DCHS1: variants seen among roughly 807,000 people sequenced by gnomAD.
DCHS1 encodes the protein protocadherin-16.
A neutral mutation model predicts 213.9 loss-of-function variants in DCHS1; 78 were observed. The observed-to-expected ratio is 0.36, with a 90% CI of 0.30 to 0.44. DCHS1 has a LOEUF of 0.44. Ranked by LOEUF, DCHS1 falls within the 20% of genes least tolerant of loss-of-function variation. DCHS1 has a pLI of 1.00. For missense variants in DCHS1, 3,946 were observed against 4,395.9 expected, an observed-to-expected ratio of 0.90 and a Z score of 2.89; for synonymous variants, 1,828 against 1,873.7, an observed-to-expected ratio of 0.98 and a Z score of 0.63.
Position 6,627,871 on chromosome 11 carries a change from C to T in DCHS1, c.5372-204G>A, listed in dbSNP as rs1855837785. On this transcript the variant is annotated intron_variant, in intron 13 of 20. Coordinates refer to ENST00000299441, the MANE Select transcript of DCHS1 (RefSeq NM_003737.4). The surrounding 1 kb of genome is among the most constrained non-coding windows in gnomAD (Gnocchi z 5.4). ...GTGGTCTGGGAACCCCGGGAGTCCCCCAAGTCCTTTTCATGTGCATAAGAT... is the reference window on the plus strand; with the variant it reads ...GTGGTCTGGGAACCCCGGGAGTCCCTCAAGTCCTTTTCATGTGCATAAGAT... Among the ~76,000 whole-genome samples the T allele has an allele frequency of 6.6e-6, 1 of 152,166 alleles. No individual in the cohort carries two copies. The highest frequency in any genetic ancestry group is 2.4e-5 in the African/African-American group (1 of 41,428).
At chr11:6,653,827 A>G (rs950500994) in intron 1 of DCHS1, among the ~76,000 whole-genome samples, 2 of 152,192 alleles carry the variant, frequency 1.3e-5, no homozygotes, top group African/African-American at 2.4e-5. Flanking sequence ...AGTAGGAGAA[A>G]ACAAAGAGGT....
In DCHS1 at chr11:6,621,600, A is replaced by G. The variant is rs571950521; in HGVS notation, c.*179T>C. 24 of 755,802 alleles carry G rather than the reference A, an allele frequency of 3.2e-5. 1 individual carries two copies. In the South Asian group the frequency reaches 3.2e-4, roughly 10 times the overall value. The allele number at this position is 755,802 out of a possible 1,614,324, so 46.8% of individuals were successfully genotyped here. A position where few individuals can be genotyped will look rare whatever the true frequency, so the allele number is the denominator to read the frequency against. ...ACCTGGTCACAGGTCAGTGAGCAAC[A>G]GGGCTTCTGTGGTCCTAGTACTCTG... On this transcript the variant is annotated 3_prime_UTR_variant, in exon 21 of 21. Coordinates refer to ENST00000299441, the MANE Select transcript of DCHS1 (RefSeq NM_003737.4).
intron 1 of DCHS1, among the ~76,000 whole-genome samples, chr11:6,647,892 C>A (rs1856187807): frequency 6.6e-6 from 1 of 152,020 alleles, no homozygotes; most frequent in South Asian, 2.1e-4. Flanking sequence ...CTGGGAGAGT[C>A]CAGGTTAGCA....
rs1856049801 is a variant in DCHS1, at chr11:6,640,347, G to C, written c.1267C>G (p.Leu423Val). 1 of 1,612,696 alleles carries C rather than the reference G, an allele frequency of 6.2e-7. No homozygotes were observed. The highest frequency in any genetic ancestry group is 8.5e-7 in the Non-Finnish European group (1 of 1,179,294). Residue 423 changes from leucine (L) to valine (V), a missense_variant, in exon 2 of 21, where the codon CTG becomes GTG. This residue lies in a region of DCHS1 where 3,384 missense variants were observed against 3,780.1 expected (regional missense o/e 0.90). Transcript: ENST00000299441. The surrounding 1 kb of genome is among the most constrained non-coding windows in gnomAD (Gnocchi z 6.5). Reference protein sequence around the residue: ...ALSTQDSVIYLVCVARRLDRE... With the variant: ...ALSTQDSVIYVVCVARRLDRE... Reference sequence around the variant, plus strand: ...TCCAGCCGCCGAGCCACACACACCAGATAGATGACGCTGTCTTGGGTGCTT... The same window carrying C: ...TCCAGCCGCCGAGCCACACACACCACATAGATGACGCTGTCTTGGGTGCTT...
chr11:6,626,747 C>G lies in DCHS1; in HGVS notation c.6250+42G>C, dbSNP rs4442534. 4 of 1,609,216 alleles carry G rather than the reference C, an allele frequency of 2.5e-6. No individual in the cohort carries two copies. The highest frequency in any genetic ancestry group is 3.4e-6 in the Non-Finnish European group (4 of 1,177,820). On this transcript the variant is annotated intron_variant, in intron 14 of 20. Transcript: ENST00000299441. This position sits in a 1 kb window ranked among gnomAD's most constrained non-coding sequence, Gnocchi z 5.2. ...ACATTTTCAAAGCACAACCCCAGCC[C>G]ATTTGGGAGTCTGAATCTGGAAGAA...
Position 6,632,208 on chromosome 11 carries a change from T to G in DCHS1, c.3304A>C (p.Ser1102Arg). The change falls in exon 6 of 21, where the codon AGT becomes CGT. Residue 1102 changes from serine (S) to arginine (R), a missense_variant. Ser to Arg is a moderately radical substitution (Grantham distance 110). Coordinates refer to ENST00000299441, the MANE Select transcript of DCHS1 (RefSeq NM_003737.4). This position sits in a 1 kb window ranked among gnomAD's most constrained non-coding sequence, Gnocchi z 5.9. ...GTGGGATCCTCAGACAAGCGGGGAC[T>G]GTGTTCATTCTGGTTGAGGATGCTG... is the stretch of plus-strand genomic sequence containing the variant. ...RVSILNQNEH[S>R]PRLSEDPTFL... The G allele has an allele frequency of 6.2e-7, 1 of 1,610,792 alleles. No homozygotes were observed. Among genetic ancestry groups the G allele is most frequent in the Non-Finnish European group, 8.5e-7 (1 of 1,177,504 alleles).
chr11:6,638,735 A>G (rs1856021874), intron 2 of DCHS1, among the ~76,000 whole-genome samples: 1 of 152,176 alleles, frequency 6.6e-6, no homozygotes, highest in Non-Finnish European at 1.5e-5. Flanking sequence ...GGCCTAGCAC[A>G]GTGCTAGGCT....
Position 6,629,928 on chromosome 11 carries a change from G to A in DCHS1, c.4796-17C>T, listed in dbSNP as rs1855872827. On this transcript the variant is annotated splice_polypyrimidine_tract_variant and intron_variant, in intron 10 of 20. Transcript: ENST00000299441. ...ACAGCGCTCCTAGGTGAGCGGTAAG[G>A]CAGGTTGGTGGGGACCCCAACACTC... 1 of 1,608,412 alleles carries A rather than the reference G, an allele frequency of 6.2e-7. No individual in the cohort carries two copies.
At position 6,624,300 on chromosome 11, in the gene DCHS1, G is replaced by A. The variant is rs1855756821; in HGVS notation, c.7376C>T (p.Ala2459Val). The change falls in exon 21 of 21, where the codon GCT becomes GTT. Residue 2459 changes from alanine to valine, a missense_variant. Physicochemically the swap from Ala to Val is moderately conservative, Grantham distance 64. This residue lies in a region of DCHS1 where 3,384 missense variants were observed against 3,780.1 expected (regional missense o/e 0.90). Coordinates refer to ENST00000299441, the MANE Select transcript of DCHS1 (RefSeq NM_003737.4). Reference protein sequence around the residue: ...DVVLEARDHGAPGRAARATVH... With the variant: ...DVVLEARDHGVPGRAARATVH... Reference sequence around the variant, plus strand: ...TGTGGCTCGTGCTGCCCGGCCTGGAGCCCCGTGGTCTCGTGCTTCCAGCAC... The same window carrying A: ...TGTGGCTCGTGCTGCCCGGCCTGGAACCCCGTGGTCTCGTGCTTCCAGCAC... 6.3e-7 allele frequency: 1 copy of A among 1,592,412 alleles called. No individual in the cohort carries two copies. Among genetic ancestry groups the A allele is most frequent in the African/African-American group, 1.3e-5 (1 of 74,656 alleles).
Position 6,655,713 on chromosome 11 carries a change from C to A in DCHS1, c.-271G>T. The A allele has an allele frequency of 1.0e-6, 1 of 980,762 alleles. No homozygotes were observed. The highest frequency in any genetic ancestry group is 1.2e-6 in the Non-Finnish European group (1 of 828,034). 60.8% of individuals were successfully genotyped at this position (980,762 alleles called of 1,614,324 possible). On this transcript the variant is annotated 5_prime_UTR_variant, in exon 1 of 21. Coordinates refer to ENST00000299441, the MANE Select transcript of DCHS1 (RefSeq NM_003737.4). The stretch of plus-strand genomic sequence containing the variant: ...CCCGCGATCCCCTCCGGGCAGCCGC[C>A]GTCGGTCCGCGCGCCCTTGGCCGTC...
Position 6,654,999 on chromosome 11 carries a change from C to G in DCHS1, c.-121+564G>C, listed in dbSNP as rs999330135. On this transcript the variant is annotated intron_variant, in intron 1 of 20. Coordinates refer to ENST00000299441, the MANE Select transcript of DCHS1 (RefSeq NM_003737.4). Reference sequence around the variant, plus strand: ...CAGAACACGTCTGGGTGACCCCCCCCTCCATCCACTTCAGGCTGTGCCTGC... The same window carrying G: ...CAGAACACGTCTGGGTGACCCCCCCGTCCATCCACTTCAGGCTGTGCCTGC... Among the ~76,000 whole-genome samples the G allele has an allele frequency of 3.3e-5, 5 of 149,910 alleles. No homozygotes were observed. The East Asian group carries it at 6.0e-4, about 18-fold the overall frequency.
At position 6,625,750 on chromosome 11, in the gene DCHS1, G is replaced by A. The variant is rs376048441; in HGVS notation, c.6732-23C>T. 1.3e-5 allele frequency: 20 copies of A among 1,598,860 alleles called. No homozygotes were observed. Among genetic ancestry groups the A allele is most frequent in the East Asian group, 4.5e-5 (2 of 44,658 alleles). The stretch of plus-strand genomic sequence containing the variant: ...AACCTGGACACAAAGCACAATCATC[G>A]GGTGGGACATGGCAATAAGGGGGAA... On this transcript the variant is annotated intron_variant, in intron 17 of 20. Coordinates refer to ENST00000299441, the MANE Select transcript of DCHS1 (RefSeq NM_003737.4). This position sits in a 1 kb window ranked among gnomAD's most constrained non-coding sequence, Gnocchi z 5.3.
intron 1 of DCHS1, among the ~76,000 whole-genome samples, chr11:6,653,191 GC>G (rs1212100397): frequency 1.2e-4 from 19 of 152,090 alleles, no homozygotes; most frequent in Non-Finnish European, 2.9e-5. Context: ...TAAGTGTCAG[GC>G]TCACTGAACT....
rs754398707 is a variant in DCHS1, at chr11:6,634,020, C to T, written c.1987G>A (p.Gly663Arg). Residue 663 changes from glycine to arginine, a missense_variant and splice_region_variant, in exon 4 of 21, where the codon GGA becomes AGA. Physicochemically the swap from Gly to Arg is moderately radical, Grantham distance 125. Around this residue, in one of 3 missense-constraint regions of DCHS1, gnomAD observed 3,384 missense variants for 3,780.1 expected, o/e 0.90. Transcript: ENST00000299441. ...FDFTVTAVDG[G>R]GLKSMVYVKV... ...ACATATACCATGGACTTGAGGCCTC[C>T]CTGGTGGGACATGCAGCCATAGGTC... 11 of 1,613,378 alleles carry T rather than the reference C, an allele frequency of 6.8e-6. No individual in the cohort carries two copies. The South Asian group carries it at 1.1e-4, about 16-fold the overall frequency.
Position 6,624,002 on chromosome 11 carries a change from T to A in DCHS1, c.7674A>T (p.Glu2558Asp). Residue 2558 changes from glutamate (E) to aspartate (D), a missense_variant, in exon 21 of 21, where the codon GAA (glutamate) becomes GAT (aspartate). Physicochemically the swap from Glu to Asp is conservative, Grantham distance 45 (BLOSUM62 2). Around this residue, in one of 3 missense-constraint regions of DCHS1, gnomAD observed 3,384 missense variants for 3,780.1 expected, o/e 0.90. Transcript: ENST00000299441. Reference sequence around the variant, plus strand: ...GTGTCAGGCTTTCAAAGTCTAGAGGTTCAAGCAACACCAGGCAGCCCAGTG... The same window carrying A: ...GTGTCAGGCTTTCAAAGTCTAGAGGATCAAGCAACACCAGGCAGCCCAGTG... ...PRALGCLVLL[E>D]PLDFESLTQY... The A allele has an allele frequency of 1.2e-6, 2 of 1,612,302 alleles. No homozygotes were observed. The highest frequency in any genetic ancestry group is 1.7e-6 in the Non-Finnish European group (2 of 1,178,948).
Position 6,621,746 on chromosome 11 carries a change from G to T in DCHS1, c.*33C>A. 6.5e-7 allele frequency: 1 copy of T among 1,549,412 alleles called. No individual in the cohort carries two copies. ...GGGGCCTGCGTTGGGGACACTGTGC[G>T]CATCCCAGGTCGGGGCCCAGCCTGG... On this transcript the variant is annotated 3_prime_UTR_variant, in exon 21 of 21. Coordinates refer to ENST00000299441, the MANE Select transcript of DCHS1 (RefSeq NM_003737.4).
chr11:6,630,491 C>G lies in DCHS1; in HGVS notation c.4303G>C (p.Ala1435Pro). 1.3e-6 allele frequency: 2 copies of G among 1,536,046 alleles called. No individual in the cohort carries two copies. Among genetic ancestry groups the G allele is most frequent in the Non-Finnish European group, 1.7e-6 (2 of 1,147,600 alleles). The part of the protein sequence containing the change: ...QVQDENEHAP[A>P]FARDPLALAL... ...AGCGCCAGCGGGTCGCGCGCAAAGG[C>G]GGGCGCATGCTCATTCTCGTCCTGC... Residue 1435 changes from alanine to proline, a missense_variant, in exon 10 of 21, where the codon GCC becomes CCC. By Grantham distance (27) the Ala-to-Pro change is conservative (BLOSUM62 -1). Transcript: ENST00000299441.
At position 6,623,299 on chromosome 11, in the gene DCHS1, G is replaced by C. The variant is rs773960003; in HGVS notation, c.8377C>G (p.Leu2793Val). Residue 2793 changes from leucine (L) to valine (V), a missense_variant, in exon 21 of 21, where the codon CTC becomes GTC. By Grantham distance (32) the Leu-to-Val change is conservative. Coordinates refer to ENST00000299441, the MANE Select transcript of DCHS1 (RefSeq NM_003737.4). ...ACCGACACAGTGACAGAGGCTGAGA[G>C]ATTCCCAGCATCAGCAGCACCCACC... ...LLVGAADAGN[L>V]SASVTVSVLV... 1 of 1,589,904 alleles carries C rather than the reference G, an allele frequency of 6.3e-7. No individual in the cohort carries two copies.
chr11:6,630,216 A>G lies in DCHS1; in HGVS notation c.4578T>C (p.Arg1526=). ...AGACGCGCGCTGAAACGCGCGCTGC[A>G]CGACGGCGGCTGGCGTTGGCGGGCC... The part of the protein sequence containing the change: ...TDRPANASRR[R]AARVSARVFV... Residue 1526 remains arginine (R), a synonymous_variant, in exon 10 of 21, where the codon CGT becomes CGC. Coordinates refer to ENST00000299441, the MANE Select transcript of DCHS1 (RefSeq NM_003737.4). 1 of 1,565,996 alleles carries G rather than the reference A, an allele frequency of 6.4e-7. No homozygotes were observed.
Sources: allele counts gnomAD v4.1 joint callset (sites outside exome capture counted in the v4.1 genomes callset), GRCh38; gene constraint gnomAD v4.1.1; regional missense constraint gnomAD v4.1.1; non-coding constraint Gnocchi (gnomAD v3.1); transcripts MANE v1.5; gene names NCBI Gene and HGNC (gene_info 2026-07-23, HGNC 2026-07-21).